TET3: variants seen among roughly 807,000 people sequenced by gnomAD.
TET3 encodes methylcytosine dioxygenase TET3.
In TET3, 19 loss-of-function variants were observed where a neutral mutation model predicts 141.4. The ratio of observed to expected loss-of-function variants is 0.13; its 90% CI spans 0.09 to 0.20. The LOEUF is 0.20. TET3 is among the 10% of genes least tolerant of loss of function. The pLI is 1.00. For missense variants in TET3, 1,874 were observed against 2,356.9 expected (o/e 0.80, Z 4.24); for synonymous variants, 1,043 against 980.9 (o/e 1.06, Z -1.18).
intron 3 of TET3, among the ~76,000 whole-genome samples, chr2:74,027,031 A>G (rs1237634708): frequency 6.6e-6 from 1 of 152,244 alleles, no homozygotes; most frequent in Non-Finnish European, 1.5e-5. Context: ...TCCCTGAGAT[A>G]AGACCCTCCT....
chr2:74,050,775 C>T (rs955286395), intron 4 of TET3, among the ~76,000 whole-genome samples: 13 of 152,050 alleles, frequency 8.5e-5, no homozygotes, highest in African/African-American at 3.1e-4. Flanking sequence ...TTGTCTCAAA[C>T]TCCTGGGCTC....
intron 2 of TET3, among the ~76,000 whole-genome samples, chr2:73,988,741 G>A (rs1181986034): frequency 1.3e-5 from 2 of 152,274 alleles, no homozygotes; most frequent in East Asian, 3.9e-4. Context: ...GGAGTTCTCT[G>A]TTTCTAGAGA....
In TET3 at chr2:74,101,797, G is replaced by A; in HGVS notation, c.5009G>A (p.Arg1670Gln). 3.1e-6 allele frequency: 5 copies of A among 1,612,980 alleles called. No homozygotes were observed. The highest frequency in any genetic ancestry group is 4.2e-6 in the Non-Finnish European group (5 of 1,179,848). The change falls in exon 12 of 12, where the codon CGG becomes CAG. Residue 1670 changes from arginine (R) to glutamine (Q), a missense_variant. Coordinates refer to ENST00000409262, the MANE Select transcript of TET3 (RefSeq NM_001287491.2). This position sits in a 1 kb window ranked among gnomAD's most constrained non-coding sequence, Gnocchi z 8.5. ...HGSILIECAR[R>Q]ELHATTPLKK... The stretch of plus-strand genomic sequence containing the variant: ...TCCATCCTCATCGAGTGTGCCCGGC[G>A]GGAGCTGCACGCCACCACGCCGCTT...
chr2:74,102,161 C>T lies in TET3; in HGVS notation c.5373C>T (p.Tyr1791=). The stretch of plus-strand genomic sequence containing the variant: ...CCTACACGAAGGTCACTGGCCCCTA[C>T]AGCCGCTGGATCTAGGTGCCAGGGA... The part of the protein sequence containing the change: ...SYAYTKVTGP[Y]SRWI Residue 1791 remains tyrosine (Y), a synonymous_variant, in exon 12 of 12, where the codon TAC becomes TAT. Coordinates refer to ENST00000409262, the MANE Select transcript of TET3 (RefSeq NM_001287491.2). 6.9e-7 allele frequency: 1 copy of T among 1,449,484 alleles called. No individual in the cohort carries two copies. Among genetic ancestry groups the T allele is most frequent in the Non-Finnish European group, 9.1e-7 (1 of 1,099,180 alleles). The allele number at this position is 1,449,484 out of a possible 1,614,324, so 89.8% of individuals were successfully genotyped here. A position where few individuals can be genotyped will look rare whatever the true frequency, so the allele number is the denominator to read the frequency against.
chr2:74,119,478 C>G, the TET3 span, among the ~76,000 whole-genome samples: 1 of 151,968 alleles, frequency 6.6e-6, no homozygotes, highest in Non-Finnish European at 1.5e-5. Context: ...ATTAGAAATA[C>G]TACCCAGATG....
At chr2:74,019,907 G>A (rs910762793) in intron 3 of TET3, among the ~76,000 whole-genome samples, 1 of 152,182 alleles carries the variant, frequency 6.6e-6, no homozygotes, top group African/African-American at 2.4e-5. Flanking sequence ...AACTAGTTGG[G>A]AGAACTGCTT....
the TET3 span, among the ~76,000 whole-genome samples, chr2:74,122,711 C>A: frequency 4.3e-5 from 6 of 139,968 alleles, no homozygotes; most frequent in Non-Finnish European, 7.7e-5. Flanking sequence ...TGCCACATGC[C>A]GCCACACCCA....
intron 7 of TET3, 110 bp from the exon 8 acceptor site, chr2:74,089,787 G>C: frequency 7.1e-7 from 1 of 1,414,016 alleles, no homozygotes; most frequent in Non-Finnish European, 9.7e-7. Context: ...TCAGTCACTG[G>C]GAGGCTGGTG....
the TET3 span, among the ~76,000 whole-genome samples, chr2:74,115,627 G>A: frequency 6.6e-6 from 1 of 152,022 alleles, no homozygotes; most frequent in Non-Finnish European, 1.5e-5. Context: ...GCCTAGTTGA[G>A]AGAAAAATTT....
At chr2:74,062,343 T>C (rs375091144) in intron 4 of TET3, among the ~76,000 whole-genome samples, 2 of 152,214 alleles carry the variant, frequency 1.3e-5, no homozygotes, top group South Asian at 4.1e-4. Flanking sequence ...GGGGAAGTTG[T>C]AGTATGGAGA....
chr2:74,095,271 C>A lies in TET3; in HGVS notation c.3267+1605C>A, dbSNP rs1690755623. 2.6e-5 allele frequency among the ~76,000 whole-genome samples: 4 copies of A among 152,272 alleles called. No individual in the cohort carries two copies. The South Asian group carries it at 8.3e-4, about 32-fold the overall frequency. On this transcript the variant is annotated intron_variant, in intron 10 of 11. Coordinates refer to ENST00000409262, the MANE Select transcript of TET3 (RefSeq NM_001287491.2). ...ACTGAGAAGCAAGAAGGGGCAGCTC[C>A]TGCTGGCACTCTGTTGTGAGGATTT...
chr2:74,124,591 T>A, the TET3 span, among the ~76,000 whole-genome samples: 72 of 152,366 alleles, frequency 4.7e-4, no homozygotes, highest in African/African-American at 1.6e-3. Context: ...GAAAAATTCT[T>A]CTGCCTTGGG....
chr2:74,070,586 G>A (rs1301567362), intron 4 of TET3, among the ~76,000 whole-genome samples: 1 of 152,174 alleles, frequency 6.6e-6, no homozygotes, highest in African/African-American at 2.4e-5. Context: ...GATTTTCATT[G>A]CGGAATATAT....
At position 74,103,862 on chromosome 2, in the gene TET3, C is replaced by T. The variant is rs1691364353; in HGVS notation, c.*1686C>T. The T allele has an allele frequency of 6.5e-6, 1 of 153,466 alleles. No homozygotes were observed. Among genetic ancestry groups the T allele is most frequent in the African/African-American group, 2.4e-5 (1 of 41,228 alleles). 9.5% of individuals were successfully genotyped at this position (153,466 alleles called of 1,614,324 possible). A position where few individuals can be genotyped will look rare whatever the true frequency, so the allele number is the denominator to read the frequency against. On this transcript the variant is annotated 3_prime_UTR_variant, in exon 12 of 12. Transcript: ENST00000409262. ...GCCACACGGTGGATGACCACCAAGC[C>T]CTGAGATGAACAGGTATTTACTGAG...
chr2:74,121,638 C>T, the TET3 span: 1 of 152,176 alleles, frequency 6.6e-6, no homozygotes, highest in African/African-American at 2.4e-5. Context: ...AGCTCCAAAG[C>T]AGCAAAAGGA....
At chr2:74,015,567 T>C (rs1039468867) in intron 3 of TET3, among the ~76,000 whole-genome samples, 7 of 152,214 alleles carry the variant, frequency 4.6e-5, no homozygotes, top group African/African-American at 1.7e-4. Flanking sequence ...TACATCTGTC[T>C]TTGCCTTTTA....
chr2:73,998,961 C>T (rs921757740), intron 2 of TET3, among the ~76,000 whole-genome samples: 8 of 152,152 alleles, frequency 5.3e-5, no homozygotes, highest in Non-Finnish European at 1.0e-4. Context: ...ATGCAGGACA[C>T]ACAGAGAGAC....
chr2:74,104,927 G>A lies in TET3; in HGVS notation c.*2751G>A, dbSNP rs189240189. 1.5e-4 allele frequency: 54 copies of A among 366,204 alleles called. No individual in the cohort carries two copies. The highest frequency in any genetic ancestry group is 9.2e-4 in the African/African-American group (44 of 48,068). The allele number at this position is 366,204 out of a possible 1,614,324, so 22.7% of individuals were successfully genotyped here. ...TCCAGAGTTAGGCGGTGTGGTTGCC[G>A]TGCTCAAGCCCATGCTGATTTGTAC... On this transcript the variant is annotated 3_prime_UTR_variant, in exon 12 of 12. Coordinates refer to ENST00000409262, the MANE Select transcript of TET3 (RefSeq NM_001287491.2).
At position 74,080,490 on chromosome 2, in the gene TET3, C is replaced by G; in HGVS notation, c.2586-8C>G. 1 of 1,611,760 alleles carries G rather than the reference C, an allele frequency of 6.2e-7. No individual in the cohort carries two copies. The highest frequency in any genetic ancestry group is 1.6e-4 in the Middle Eastern group (1 of 6,062). Reference sequence around the variant, plus strand: ...TGTGCTAATGGTGGCTTCTGTCTCCCTCTTCAGGTATGGAGAGAAGGGGAA... The same window carrying G: ...TGTGCTAATGGTGGCTTCTGTCTCCGTCTTCAGGTATGGAGAGAAGGGGAA... On this transcript the variant is annotated splice_region_variant and splice_polypyrimidine_tract_variant and intron_variant, in intron 5 of 11. Coordinates refer to ENST00000409262, the MANE Select transcript of TET3 (RefSeq NM_001287491.2).
Sources: gnomAD v4.1 joint callset for allele counts (sites outside exome capture counted in the v4.1 genomes callset) on GRCh38, gnomAD v4.1.1 for gene constraint, Gnocchi (gnomAD v3.1) non-coding constraint, MANE v1.5 for transcripts, NCBI Gene and HGNC (gene_info 2026-07-23, HGNC 2026-07-21) for gene names.